PLCXD2: variants seen among roughly 807,000 people sequenced by gnomAD.
PLCXD2 encodes phosphatidylinositol specific phospholipase C X domain containing 2.
A neutral mutation model predicts 28.6 loss-of-function variants in PLCXD2; 21 were observed. The ratio of observed to expected loss-of-function variants is 0.73; its 90% CI spans 0.52 to 1.06. The LOEUF (loss-of-function observed/expected upper bound fraction) is 1.06, where lower values mean the gene tolerates loss of function less well. PLCXD2 is among the 50% of genes least tolerant of loss of function. The probability of loss-of-function intolerance (pLI) is 0.00; values close to 1 mark genes in which losing one functional copy is unlikely to be tolerated. For missense variants in PLCXD2, 369 were observed against 376.7 expected (o/e 0.98, Z 0.17); for synonymous variants, 140 against 150.1 (o/e 0.93, Z 0.49).
chr3:111,714,822 A>T (rs955184020), intron 3 of PLCXD2, among the ~76,000 whole-genome samples: 4 of 152,162 alleles, frequency 2.6e-5, no homozygotes, highest in African/African-American at 9.7e-5. Flanking sequence ...ATGTACCTGT[A>T]CATGTGTATG....
At chr3:111,713,831 G>A in intron 2 of PLCXD2, 56 bp from the exon 3 acceptor site, 1 of 1,576,676 alleles carries the variant, frequency 6.3e-7, no homozygotes, top group Non-Finnish European at 8.7e-7. Context: ...AAACGGAGGA[G>A]TTAACATTCA....
intron 1 of PLCXD2, among the ~76,000 whole-genome samples, chr3:111,680,463 A>G (rs1940696510): frequency 6.6e-6 from 1 of 152,130 alleles, no homozygotes; most frequent in Admixed American, 6.5e-5. Context: ...ATCATGAAAA[A>G]AAAAAAATCA....
intron 1 of PLCXD2, among the ~76,000 whole-genome samples, chr3:111,702,049 G>A (rs1287448210): frequency 1.3e-5 from 2 of 152,110 alleles, no homozygotes; most frequent in Admixed American, 6.6e-5. Flanking sequence ...GAAGCTTTTG[G>A]TGTCATCTGC....
intron 3 of PLCXD2, among the ~76,000 whole-genome samples, chr3:111,714,918 C>T (rs780517637): frequency 6.6e-6 from 1 of 152,162 alleles, no homozygotes; most frequent in Admixed American, 6.5e-5. Flanking sequence ...GAAGCTAATA[C>T]GTTTGGGTAG....
intron 1 of PLCXD2, among the ~76,000 whole-genome samples, chr3:111,697,166 TA>T (rs575022618): frequency 6.6e-6 from 1 of 152,126 alleles, no homozygotes; most frequent in Non-Finnish European, 1.5e-5. Flanking sequence ...ACTACTTAAA[TA>T]AAAAAATCCC....
At chr3:111,723,225 T>A (rs1405377621) in intron 3 of PLCXD2, 1 of 152,246 alleles carries the variant, frequency 6.6e-6, no homozygotes, top group Non-Finnish European at 1.5e-5. Flanking sequence ...ATTACTGTTC[T>A]CTGTTTTATT....
intron 3 of PLCXD2, chr3:111,725,100 A>C (rs1200906499): frequency 1.3e-5 from 2 of 152,244 alleles, no homozygotes; most frequent in African/African-American, 2.4e-5. Context: ...GGCACCTTTG[A>C]TGATCCATAT....
chr3:111,696,253 C>G (rs1053487524), intron 1 of PLCXD2, among the ~76,000 whole-genome samples: 6 of 152,170 alleles, frequency 3.9e-5, no homozygotes, highest in African/African-American at 1.4e-4. Context: ...CCTAGTTGAG[C>G]CTTTACTGCT....
At chr3:111,683,026 A>G (rs1940739794) in intron 1 of PLCXD2, among the ~76,000 whole-genome samples, 1 of 152,200 alleles carries the variant, frequency 6.6e-6, no homozygotes, top group South Asian at 2.1e-4. Flanking sequence ...GATCACACAG[A>G]TTTGTAAGAT....
At chr3:111,710,048 T>C (rs1332832749) in intron 2 of PLCXD2, among the ~76,000 whole-genome samples, 1 of 152,162 alleles carries the variant, frequency 6.6e-6, no homozygotes, top group Admixed American at 6.5e-5. Context: ...TGGATATGAT[T>C]TGGGGTATGA....
At chr3:111,720,278 G>A (rs4532104) in intron 3 of PLCXD2, among the ~76,000 whole-genome samples, 4,485 of 151,874 alleles carry the variant, frequency 0.03, 217 homozygotes, top group African/African-American at 0.1. Context: ...TTGGCTCACC[G>A]CAGCCTCAAC....
chr3:111,699,148 T>C (rs1031798608), intron 1 of PLCXD2, among the ~76,000 whole-genome samples: 1 of 152,120 alleles, frequency 6.6e-6, no homozygotes, highest in Non-Finnish European at 1.5e-5. Flanking sequence ...TTCTTTGACT[T>C]AGGGTCACCA....
At chr3:111,676,869 A>G (rs1381901384) in intron 1 of PLCXD2, 1 of 152,240 alleles carries the variant, frequency 6.6e-6, no homozygotes, top group Non-Finnish European at 1.5e-5. Context: ...TGTCCGGGGT[A>G]GGTTGGGGCT....
At position 111,707,985 on chromosome 3, in the gene PLCXD2, AC is replaced by A; in HGVS notation, c.226del (p.Gln76LysfsTer12). On this transcript the variant is annotated frameshift_variant, in exon 2 of 5. Transcript: ENST00000477665. LOFTEE classifies it high-confidence loss of function. ...AAAGTCCCCAGTGGGGCCTGACCAA[AC>A]CCAAGCTATCAAACGCCTCGCCAGG... 1.2e-6 allele frequency: 2 copies of A among 1,614,116 alleles called. No individual in the cohort carries two copies. The highest frequency in any genetic ancestry group is 4.5e-5 in the East Asian group (2 of 44,882).
intron 3 of PLCXD2, among the ~76,000 whole-genome samples, chr3:111,719,683 C>T (rs1941319689): frequency 6.6e-6 from 1 of 152,086 alleles, no homozygotes; most frequent in South Asian, 2.1e-4. Flanking sequence ...AGTTTTAAAA[C>T]AGGCAAATCT....
At chr3:111,692,123 G>T (rs1576456133) in intron 1 of PLCXD2, among the ~76,000 whole-genome samples, 1 of 152,172 alleles carries the variant, frequency 6.6e-6, no homozygotes, top group African/African-American at 2.4e-5. Context: ...CTCACTGCAA[G>T]CTCCGCCTCC....
chr3:111,684,653 TA>T lies in PLCXD2; in HGVS notation c.163+9259del, dbSNP rs148866267. On this transcript the variant is annotated intron_variant, in intron 1 of 4. Transcript: ENST00000477665. ...TGGGCGACGGAACAAAACTCCGTCT[TA>T]AAAAAAAAAAAAATAAAGTTAACTA... 5.7e-3 allele frequency among the ~76,000 whole-genome samples: 807 copies of T among 141,668 alleles called. 4 individuals are homozygous for T. The highest frequency in any genetic ancestry group is 0.015 in the African/African-American group (586 of 38,656). 92.9% of individuals were successfully genotyped at this position (141,668 alleles called of 152,430 possible).
chr3:111,710,021 C>T (rs550535368), intron 2 of PLCXD2, among the ~76,000 whole-genome samples: 3 of 152,192 alleles, frequency 2.0e-5, no homozygotes, highest in South Asian at 4.2e-4. Flanking sequence ...GAAGGTAGAG[C>T]CGACAGGGTT....
intron 1 of PLCXD2, among the ~76,000 whole-genome samples, chr3:111,694,215 C>T (rs1478207648): frequency 2.6e-5 from 4 of 152,174 alleles, no homozygotes; most frequent in Non-Finnish European, 5.9e-5. Flanking sequence ...TCTGTTTCCT[C>T]AGCAGATCCA....
Sources: allele counts gnomAD v4.1 joint callset (sites outside exome capture counted in the v4.1 genomes callset), GRCh38; gene constraint gnomAD v4.1.1; transcripts MANE v1.5; gene names NCBI Gene and HGNC (gene_info 2026-07-23, HGNC 2026-07-21).